UNC93A: variants seen among roughly 807,000 people sequenced by gnomAD.
UNC93A encodes the protein unc-93 homolog A.
In UNC93A, 43 loss-of-function variants were observed where a neutral mutation model predicts 47.5. The observed-to-expected ratio is 0.91, with a 90% confidence interval of 0.71 to 1.17. The LOEUF is 1.17. UNC93A is among the 50% of genes most tolerant of loss of function. The pLI, the probability that UNC93A is intolerant of heterozygous loss-of-function variation, is 0.00. For synonymous variants in UNC93A, 280 were observed against 258.0 expected (o/e 1.09, Z -0.82); for missense variants, 605 against 577.6 (o/e 1.05, Z -0.49).
intron 1 of UNC93A, among the ~76,000 whole-genome samples, chr6:167,277,189 C>T (rs1421890718): frequency 6.6e-6 from 1 of 152,236 alleles, no homozygotes; most frequent in Non-Finnish European, 1.5e-5. Flanking sequence ...GACATGGAGT[C>T]TGGCCAAGGA....
intron 5 of UNC93A, 94 bp downstream of exon 5, chr6:167,304,227 C>A: frequency 1.4e-6 from 2 of 1,388,438 alleles, no homozygotes; most frequent in Non-Finnish European, 2.0e-6. Flanking sequence ...GTGTCTCAGG[C>A]CACCTGCCCA....
At chr6:167,300,490 T>A (rs1308100492) in intron 4 of UNC93A, among the ~76,000 whole-genome samples, 1 of 152,038 alleles carries the variant, frequency 6.6e-6, no homozygotes, top group Middle Eastern at 3.2e-3. Flanking sequence ...ACGAGGCTCT[T>A]AGCCAGTGAG....
At chr6:167,303,421 A>G (rs2115155496) in intron 4 of UNC93A, among the ~76,000 whole-genome samples, 1 of 152,278 alleles carries the variant, frequency 6.6e-6, no homozygotes, top group East Asian at 1.9e-4. Flanking sequence ...GTTGTAGTTC[A>G]GATACCCCTT....
intron 5 of UNC93A, 71 bp from the exon 6 acceptor site, chr6:167,305,844 G>T: frequency 9.3e-6 from 15 of 1,605,076 alleles, no homozygotes; most frequent in South Asian, 3.3e-5. Context: ...CTAAGCACCC[G>T]ACTGCAGCTT....
upstream of UNC93A, among the ~76,000 whole-genome samples, chr6:167,269,906 G>A (rs1031713944): frequency 1.3e-5 from 2 of 152,004 alleles, no homozygotes; most frequent in Non-Finnish European, 2.9e-5. Flanking sequence ...TGAGCCACTG[G>A]GCCCGGCCAA....
upstream of UNC93A, among the ~76,000 whole-genome samples, chr6:167,290,767 C>G (rs893172319): frequency 3.9e-5 from 6 of 152,192 alleles, no homozygotes; most frequent in African/African-American, 1.2e-4. Context: ...TTTTCTGAAG[C>G]TGTTTCCTGT....
chr6:167,285,141 G>T (rs1783702998), intron 1 of UNC93A, among the ~76,000 whole-genome samples: 1 of 151,962 alleles, frequency 6.6e-6, no homozygotes, highest in Non-Finnish European at 1.5e-5. Flanking sequence ...ACATAGGTGT[G>T]TGGTTACCTG....
chr6:167,295,705 G>A (rs1471209022), intron 2 of UNC93A, among the ~76,000 whole-genome samples: 1 of 129,628 alleles, frequency 7.7e-6, no homozygotes, highest in African/African-American at 3.2e-5. Flanking sequence ...CGTGCTCCTC[G>A]CCTCCCTCGT....
chr6:167,305,891 G>A lies in UNC93A; in HGVS notation c.841-24G>A, dbSNP rs200019840. ...CGGGAGGCCTGGGAGCGTCCATGAC[G>A]TGGCTCTGCACCCCTCTCCCCAGTC... is the stretch of plus-strand genomic sequence containing the variant. On this transcript the variant is annotated intron_variant, in intron 5 of 7. Coordinates refer to ENST00000230256, the MANE Select transcript of UNC93A (RefSeq NM_018974.4). The A allele has an allele frequency of 3.6e-4, 586 of 1,613,952 alleles. 6 individuals are homozygous for A. In the African/African-American group the frequency reaches 6.3e-3, roughly 17 times the overall value.
intron 6 of UNC93A, among the ~76,000 whole-genome samples, chr6:167,306,881 A>T (rs370690938): frequency 2.4e-4 from 37 of 152,148 alleles, no homozygotes; most frequent in African/African-American, 8.9e-4. Flanking sequence ...TTGAGCGTCA[A>T]TGGGCAGCCT....
chr6:167,306,065 G>A lies in UNC93A; in HGVS notation c.976+15G>A. ...GTACGTGCTGGGTAGGTATCAGCGT[G>A]GGTCCCATCCCAGCTGTCATAACGA... On this transcript the variant is annotated intron_variant, in intron 6 of 7. Transcript: ENST00000230256. 6.2e-7 allele frequency: 1 copy of A among 1,613,722 alleles called. No homozygotes were observed. The highest frequency in any genetic ancestry group is 8.5e-7 in the Non-Finnish European group (1 of 1,179,816).
intron 7 of UNC93A, among the ~76,000 whole-genome samples, chr6:167,314,656 A>G (rs1778643896): frequency 6.6e-6 from 1 of 152,096 alleles, no homozygotes; most frequent in Non-Finnish European, 1.5e-5. Flanking sequence ...CCCTCTGCTC[A>G]CTGAGAGAAA....
intron 7 of UNC93A, among the ~76,000 whole-genome samples, chr6:167,312,510 G>T (rs1778587378): frequency 6.6e-6 from 1 of 152,212 alleles, no homozygotes; most frequent in Non-Finnish European, 1.5e-5. Context: ...GCATCAGCAT[G>T]GGCTCGTATA....
intron 7 of UNC93A, among the ~76,000 whole-genome samples, chr6:167,309,401 C>CA (rs1224315466): frequency 1.3e-5 from 2 of 151,872 alleles, no homozygotes; most frequent in African/African-American, 2.4e-5. Context: ...CTGAATTTCC[C>CA]AAAAAACCCC....
At chr6:167,291,218 C>A, upstream of UNC93A, 1 of 318,920 alleles carries the variant, frequency 3.1e-6, no homozygotes, top group Non-Finnish European at 5.7e-6. Flanking sequence ...GAGTAATGAT[C>A]TTTTGCCCCA....
intron 1 of UNC93A, among the ~76,000 whole-genome samples, chr6:167,272,175 T>C (rs1034394814): frequency 1.3e-5 from 2 of 152,162 alleles, no homozygotes; most frequent in African/African-American, 4.8e-5. Context: ...TCTTTGGGGG[T>C]GGCTGACTCT....
chr6:167,290,447 A>T (rs1783820986), upstream of UNC93A, among the ~76,000 whole-genome samples: 1 of 152,186 alleles, frequency 6.6e-6, no homozygotes, highest in Non-Finnish European at 1.5e-5. Flanking sequence ...GAAATGGCTG[A>T]CTTCACAGAA....
intron 1 of UNC93A, among the ~76,000 whole-genome samples, chr6:167,273,052 G>T (rs1330453937): frequency 6.6e-6 from 1 of 152,180 alleles, no homozygotes. Flanking sequence ...TCGCCTGCCT[G>T]TGGGCCCCTT....
At chr6:167,285,993 C>G (rs1364687812) in intron 1 of UNC93A, among the ~76,000 whole-genome samples, 1 of 149,032 alleles carries the variant, frequency 6.7e-6, no homozygotes, top group Non-Finnish European at 1.5e-5. Flanking sequence ...CACACACACA[C>G]AATGAGCCTA....
Sources: allele counts gnomAD v4.1 joint callset (sites outside exome capture counted in the v4.1 genomes callset), GRCh38; gene constraint gnomAD v4.1.1; transcripts MANE v1.5; gene names NCBI Gene and HGNC (gene_info 2026-07-23, HGNC 2026-07-21).